Variants in SEC22C observed in about 807,000 individuals in gnomAD.
The protein encoded by SEC22C is SEC22 homolog C, vesicle trafficking protein.
A neutral mutation model predicts 34.7 loss-of-function variants in SEC22C; 29 were observed. That is an observed-to-expected ratio of 0.84 (90% CI 0.62 to 1.14). The LOEUF is 1.14. SEC22C is among the 50% of genes most tolerant of loss of function. SEC22C has a pLI of 0.00. For missense variants in SEC22C, 337 were observed against 369.0 expected (o/e 0.91, Z 0.71); for synonymous variants, 117 against 132.8 (o/e 0.88, Z 0.82).
intron 1 of SEC22C, among the ~76,000 whole-genome samples, chr3:42,570,230 T>C (rs2125714330): frequency 6.6e-6 from 1 of 152,308 alleles, no homozygotes; most frequent in Non-Finnish European, 1.5e-5. Context: ...TTCACTTGTG[T>C]CTGCAATGCC....
intron 1 of SEC22C, among the ~76,000 whole-genome samples, chr3:42,593,832 C>G (rs141265679): frequency 6.6e-6 from 1 of 152,136 alleles, no homozygotes; most frequent in Non-Finnish European, 1.5e-5. Flanking sequence ...AGGGAGCCAG[C>G]TATGCAGTAG....
chr3:42,566,741 T>C, intron 2 of SEC22C: 1 of 296,920 alleles, frequency 3.4e-6, no homozygotes. Flanking sequence ...AGGTGGCTCA[T>C]ACCTATAATC....
At chr3:42,594,323 G>A (rs1302698583) in intron 1 of SEC22C, 2 of 839,896 alleles carry the variant, frequency 2.4e-6, no homozygotes, top group South Asian at 3.0e-5. Context: ...CCAGTCAGTG[G>A]ATGAGCCATT....
chr3:42,572,871 T>C (rs1383852881), intron 1 of SEC22C, among the ~76,000 whole-genome samples: 3 of 152,198 alleles, frequency 2.0e-5, no homozygotes, highest in African/African-American at 7.2e-5. Context: ...ACAGCCACCA[T>C]AAAAATGCTT....
intron 1 of SEC22C, among the ~76,000 whole-genome samples, chr3:42,587,735 CA>C (rs34964951): frequency 0.19 from 25,962 of 135,778 alleles, 2,655 homozygotes; most frequent in African/African-American, 0.31. Flanking sequence ...GACTCCGTCT[CA>C]AAAAAAAAAA....
Position 42,553,000 on chromosome 3 carries a change from C to A in SEC22C, c.*248G>T, listed in dbSNP as rs1476724896. 7 of 1,303,280 alleles carry A rather than the reference C, an allele frequency of 5.4e-6. No homozygotes were observed. Among genetic ancestry groups the A allele is most frequent in the Non-Finnish European group, 6.8e-6 (7 of 1,026,632 alleles). The allele number at this position is 1,303,280 out of a possible 1,614,324, so 80.7% of individuals were successfully genotyped here. ...GCTCTTTCTGGATGAGCCCCCAGAT[C>A]CAGCTGTCCTAGGTAAACGTGCTGA... is the stretch of plus-strand genomic sequence containing the variant. On this transcript the variant is annotated 3_prime_UTR_variant, in exon 7 of 7. Transcript: ENST00000264454.
chr3:42,595,318 G>A (rs1704996885), intron 1 of SEC22C, among the ~76,000 whole-genome samples: 3 of 152,080 alleles, frequency 2.0e-5, no homozygotes, highest in African/African-American at 7.2e-5. Context: ...GAAATAACTA[G>A]GTGTTTACCC....
rs201208461 is a variant in SEC22C, at chr3:42,569,047, G to A, written c.-1C>T. The A allele has an allele frequency of 3.2e-5, 52 of 1,613,212 alleles. No individual in the cohort carries two copies. The highest frequency in any genetic ancestry group is 5.3e-5 in the African/African-American group (4 of 74,866). On this transcript the variant is annotated 5_prime_UTR_variant, in exon 2 of 7. Transcript: ENST00000264454. ...CGCAGGCAAAAAAGATCACGGACAT[G>A]GTCCACAAGAGAAGTCATGAGGACA...
intron 3 of SEC22C, among the ~76,000 whole-genome samples, chr3:42,562,113 A>T (rs955440580): frequency 6.6e-6 from 1 of 152,222 alleles, no homozygotes; most frequent in East Asian, 1.9e-4. Context: ...ATCCATTATC[A>T]CATCTGAACA....
Position 42,553,228 on chromosome 3 carries a change from C to A in SEC22C, c.*20G>T. The A allele has an allele frequency of 1.2e-6, 2 of 1,610,974 alleles. No individual in the cohort carries two copies. The highest frequency in any genetic ancestry group is 1.1e-5 in the South Asian group (1 of 90,648). ...ATCCTCAAAAGAAAATCAAAGAATC[C>A]ATTCATCACAGTGTCATCCTCATAC... On this transcript the variant is annotated 3_prime_UTR_variant, in exon 7 of 7. Transcript: ENST00000264454.
At chr3:42,599,728 T>A (rs1245866495) in intron 1 of SEC22C, among the ~76,000 whole-genome samples, 1 of 150,338 alleles carries the variant, frequency 6.7e-6, no homozygotes, top group Non-Finnish European at 1.5e-5. Context: ...CAAACGGTAA[T>A]GGAACGACTG....
At position 42,561,277 on chromosome 3, in the gene SEC22C, C is replaced by T. The variant is rs773247329; in HGVS notation, c.366G>A (p.Val122=). Residue 122 remains valine, a synonymous_variant, in exon 4 of 7, where the codon GTG becomes GTA. Coordinates refer to ENST00000264454, the MANE Select transcript of SEC22C (RefSeq NM_032970.4). ...FLEFDSIIQK[V]KWHFNYVSSS... ...AACTTACATAGTTAAAATGCCACTT[C>T]ACTTTCTGAATGATGCTGTCTGCAA... 1.2e-6 allele frequency: 2 copies of T among 1,614,206 alleles called. No homozygotes were observed. Among genetic ancestry groups the T allele is most frequent in the East Asian group, 2.2e-5 (1 of 44,888 alleles).
intron 2 of SEC22C, chr3:42,564,515 C>G (rs1703116889): frequency 6.6e-6 from 1 of 152,414 alleles, no homozygotes; most frequent in Admixed American, 6.5e-5. Flanking sequence ...ACTCTGGGAC[C>G]AATACTGATG....
In SEC22C at chr3:42,552,132, G is replaced by T. The variant is rs556294427; in HGVS notation, c.*1116C>A. The T allele has an allele frequency of 1.3e-5, 13 of 985,256 alleles. No homozygotes were observed. The South Asian group carries it at 5.2e-4, about 39-fold the overall frequency. The allele number at this position is 985,256 out of a possible 1,614,324, so 61.0% of individuals were successfully genotyped here. A position where few individuals can be genotyped will look rare whatever the true frequency, so the allele number is the denominator to read the frequency against. ...ATCAATCAATTTTTTGACAGTGAAA[G>T]AGAGTAACTTTCCAGAGTATGTGTT... On this transcript the variant is annotated 3_prime_UTR_variant, in exon 7 of 7. Coordinates refer to ENST00000264454, the MANE Select transcript of SEC22C (RefSeq NM_032970.4).
chr3:42,574,287 T>C (rs1433987897), intron 1 of SEC22C, among the ~76,000 whole-genome samples: 1 of 150,206 alleles, frequency 6.7e-6, no homozygotes, highest in Admixed American at 6.7e-5. Flanking sequence ...CAGTGGCATG[T>C]GTCTGTAGTC....
chr3:42,594,115 A>G (rs559573638), intron 1 of SEC22C, among the ~76,000 whole-genome samples: 1 of 152,358 alleles, frequency 6.6e-6, no homozygotes, highest in African/African-American at 2.4e-5. Flanking sequence ...TTTGATTTAA[A>G]TTGTACAGTA....
At chr3:42,572,975 C>T (rs75535413) in intron 1 of SEC22C, among the ~76,000 whole-genome samples, 5,522 of 152,254 alleles carry the variant, frequency 0.036, 164 homozygotes, top group East Asian at 0.12. Context: ...AGCAATCCTT[C>T]CACCTTAGCA....
chr3:42,578,236 G>T (rs544035592), intron 1 of SEC22C, among the ~76,000 whole-genome samples: 8 of 152,260 alleles, frequency 5.3e-5, no homozygotes, highest in African/African-American at 1.9e-4. Context: ...CAAAGAAGAA[G>T]AATAAACTAT....
chr3:42,588,096 A>G (rs1030548329), intron 1 of SEC22C, among the ~76,000 whole-genome samples: 1 of 151,002 alleles, frequency 6.6e-6, no homozygotes, highest in Non-Finnish European at 1.5e-5. Context: ...AAAAACAACA[A>G]TAACAACAAC....
Sources: allele counts gnomAD v4.1 joint callset (sites outside exome capture counted in the v4.1 genomes callset), GRCh38; gene constraint gnomAD v4.1.1; transcripts MANE v1.5; gene names NCBI Gene and HGNC (gene_info 2026-07-23, HGNC 2026-07-21).